Variants in ULK2 observed in about 807,000 individuals in gnomAD.
ULK2 encodes the protein serine/threonine-protein kinase ULK2.
ULK2 carries 76 observed loss-of-function variants against 127.5 expected under a neutral mutation model. The ratio of observed to expected loss-of-function variants is 0.60; its 90% CI spans 0.50 to 0.72. The LOEUF (loss-of-function observed/expected upper bound fraction) is 0.72, where lower values mean the gene tolerates loss of function less well. ULK2 is among the 30% of genes least tolerant of loss of function. The probability of loss-of-function intolerance (pLI) is 0.00; values close to 1 mark genes in which losing one functional copy is unlikely to be tolerated. For synonymous variants in ULK2, 452 were observed against 461.9 expected (o/e 0.98, Z 0.28); for missense variants, 1,144 against 1,295.9 (o/e 0.88, Z 1.80).
chr17:19,780,180 A>T (rs946554654), intron 25 of ULK2, among the ~76,000 whole-genome samples: 4 of 152,050 alleles, frequency 2.6e-5, no homozygotes, highest in Non-Finnish European at 4.4e-5. Flanking sequence ...TCAAGAAAAA[A>T]AAAAAAAGAA....
chr17:19,826,970 A>G (rs1210946298), intron 10 of ULK2, among the ~76,000 whole-genome samples: 2 of 151,906 alleles, frequency 1.3e-5, no homozygotes, highest in African/African-American at 4.8e-5. Context: ...AAAAAAAAAA[A>G]AGAAACTACA....
intron 23 of ULK2, 49 bp downstream of exon 23, chr17:19,781,840 T>A: frequency 6.3e-7 from 1 of 1,587,890 alleles, no homozygotes; most frequent in South Asian, 1.1e-5. Flanking sequence ...AGACACAAGT[T>A]TAGACAAAGC....
chr17:19,848,269 T>C (rs1372908180), intron 5 of ULK2: 4 of 152,244 alleles, frequency 2.6e-5, no homozygotes, highest in Non-Finnish European at 5.9e-5. Flanking sequence ...ACTGAGGATT[T>C]AGTATCCATG....
At chr17:19,849,347 A>G in intron 5 of ULK2, 22 bp downstream of exon 5, 2 of 1,604,164 alleles carry the variant, frequency 1.2e-6, no homozygotes, top group Non-Finnish European at 1.7e-6. Context: ...TTTACTGAAC[A>G]CTGACACACA....
rs2086750242 is a variant in ULK2 at position 19,772,559 on chromosome 17, CCTT to C, written c.*3787_*3789del. On this transcript the variant is annotated 3_prime_UTR_variant, in exon 27 of 27. Coordinates refer to ENST00000395544, the MANE Select transcript of ULK2 (RefSeq NM_014683.4). ...TAGCTACTGCCTGCCAAATAATCCT[CCTT>C]GAGAAATACTGATCAATCTTGCTTT... 6.6e-6 allele frequency: 1 copy of C among 152,194 alleles called. No homozygotes were observed. Among genetic ancestry groups the C allele is most frequent in the South Asian group, 2.1e-4 (1 of 4,826 alleles). The allele number at this position is 152,194 out of a possible 1,614,324, so 9.4% of individuals were successfully genotyped here.
intron 22 of ULK2, among the ~76,000 whole-genome samples, chr17:19,782,892 G>C (rs943454121): frequency 2.0e-5 from 3 of 151,274 alleles, no homozygotes; most frequent in Non-Finnish European, 2.9e-5. Flanking sequence ...TTCCAACCTG[G>C]GTGACAGAGC....
In ULK2 at chr17:19,776,364, G is replaced by A; in HGVS notation, c.3096C>T (p.Ser1032=). The change falls in exon 27 of 27, where the codon AGC becomes AGT. Residue 1032 remains serine (S), a synonymous_variant. Transcript: ENST00000395544. ...IERRLSALCH[S]TATV is the part of the protein sequence containing the mutation. ...AGCCTGCTGCTCACACGGTTGCGGTGCTATGGCAGAGCGCCGACAGTCTTC... is the reference window on the plus strand; with the variant it reads ...AGCCTGCTGCTCACACGGTTGCGGTACTATGGCAGAGCGCCGACAGTCTTC... The A allele has an allele frequency of 6.2e-7, 1 of 1,606,012 alleles. No homozygotes were observed.
intron 7 of ULK2, among the ~76,000 whole-genome samples, chr17:19,843,496 G>A (rs1264085161): frequency 6.6e-6 from 1 of 151,988 alleles, no homozygotes; most frequent in African/African-American, 2.4e-5. Flanking sequence ...ATAAAGTACA[G>A]TAAGAGGGCC....
chr17:19,818,797 CTTTTTTTT>C (rs71157835), intron 12 of ULK2, among the ~76,000 whole-genome samples: 11 of 77,766 alleles, frequency 1.4e-4, no homozygotes, highest in African/African-American at 2.8e-4. Flanking sequence ...TTTCTTTTTT[CTTTTTTTT>C]TTTTTTTTTT....
chr17:19,826,148 C>T lies in ULK2; in HGVS notation c.826G>A (p.Val276Ile). The T allele has an allele frequency of 6.9e-7, 1 of 1,459,558 alleles. No homozygotes were observed. The highest frequency in any genetic ancestry group is 9.1e-7 in the Non-Finnish European group (1 of 1,094,798). The allele number at this position is 1,459,558 out of a possible 1,614,324, so 90.4% of individuals were successfully genotyped here. A position where few individuals can be genotyped will look rare whatever the true frequency, so the allele number is the denominator to read the frequency against. ...AAAAATGGATACTCACATTTTTTTA[C>T]TGGACCTTGCTCAAGAAAAGGATGG... ...FSHPFLEQGP[V>I]KKSCPVPVPM... Residue 276 changes from valine to isoleucine, a missense_variant, in exon 11 of 27, where the codon GTA (valine) becomes ATA (isoleucine). Val to Ile is a conservative substitution (Grantham distance 29). Transcript: ENST00000395544.
chr17:19,823,253 C>T (rs963865887), intron 12 of ULK2, among the ~76,000 whole-genome samples: 3 of 149,340 alleles, frequency 2.0e-5, no homozygotes, highest in African/African-American at 4.9e-5. Flanking sequence ...GAGTTTTTAA[C>T]ATCTAAAAAA....
chr17:19,810,052 A>AAC (rs2152388378), intron 14 of ULK2, among the ~76,000 whole-genome samples: 1 of 152,222 alleles, frequency 6.6e-6, no homozygotes, highest in African/African-American at 2.4e-5. Context: ...TAACCCAGTG[A>AAC]AACCTTGTCT....
intron 20 of ULK2, among the ~76,000 whole-genome samples, chr17:19,788,910 C>G (rs2087092339): frequency 6.6e-6 from 1 of 152,162 alleles, no homozygotes; most frequent in African/African-American, 2.4e-5. Flanking sequence ...TGAGTGGCAG[C>G]TTAGCTGCAG....
At chr17:19,803,099 A>G (rs2152386851) in intron 15 of ULK2, among the ~76,000 whole-genome samples, 1 of 152,348 alleles carries the variant, frequency 6.6e-6, no homozygotes, top group African/African-American at 2.4e-5. Flanking sequence ...CAAAGTGGAA[A>G]GACTTACCAT....
chr17:19,783,061 G>A (rs1025069454), intron 22 of ULK2, among the ~76,000 whole-genome samples: 51 of 152,316 alleles, frequency 3.3e-4, no homozygotes, highest in African/African-American at 1.2e-3. Flanking sequence ...AAATAAAGAT[G>A]AGAATCATTT....
Position 19,841,527 on chromosome 17 carries a change from T to G in ULK2, c.666A>C (p.Leu222Phe), listed in dbSNP as rs367747757. ...PPFQANSPQD[L>F]RMFYEKNRSL... ...TCCTGTTTTTTTCATAAAACATCCT[T>G]AAGTCTTGAGGACTATTGGCCTATT... Residue 222 changes from leucine to phenylalanine, a missense_variant, in exon 9 of 27, where the codon TTA becomes TTC. By Grantham distance (22) the Leu-to-Phe change is conservative. Transcript: ENST00000395544. 6.3e-7 allele frequency: 1 copy of G among 1,592,248 alleles called. No homozygotes were observed. The highest frequency in any genetic ancestry group is 8.5e-7 in the Non-Finnish European group (1 of 1,174,298).
rs755417792 is a variant in ULK2, at chr17:19,867,345, G to A, written c.73C>T (p.Arg25Trp). 3 of 1,600,516 alleles carry A rather than the reference G, an allele frequency of 1.9e-6. No homozygotes were observed. Among genetic ancestry groups the A allele is most frequent in the Admixed American group, 1.7e-5 (1 of 59,146 alleles). Residue 25 changes from arginine to tryptophan, a missense_variant, in exon 1 of 27, where the codon CGG becomes TGG. Physicochemically the swap from Arg to Trp is moderately radical, Grantham distance 101. This residue lies in a region of ULK2 where 231 missense variants were observed against 325.4 expected (regional missense o/e 0.71). Coordinates refer to ENST00000395544, the MANE Select transcript of ULK2 (RefSeq NM_014683.4). Reference protein sequence around the residue: ...VGHGAFAVVFRGRHRQKTDWE... With the variant: ...VGHGAFAVVFWGRHRQKTDWE... ...GCGCTCACCTGGCGGTGCCGCCCCC[G>A]GAAGACCACGGCGAAGGCCCCGTGT...
intron 15 of ULK2, among the ~76,000 whole-genome samples, chr17:19,803,773 G>GT (rs1381895305): frequency 3.9e-5 from 6 of 152,076 alleles, no homozygotes; most frequent in African/African-American, 1.4e-4. Context: ...CTTTGGTATC[G>GT]TAACAGTTAA....
chr17:19,789,802 GAAGA>G (rs1597717689), intron 20 of ULK2, among the ~76,000 whole-genome samples: 1 of 147,868 alleles, frequency 6.8e-6, no homozygotes, highest in Non-Finnish European at 1.5e-5. Context: ...TGATCAAGCA[GAAGA>G]AAGAATTAGT....
Sources: allele counts gnomAD v4.1 joint callset (sites outside exome capture counted in the v4.1 genomes callset), GRCh38; gene constraint gnomAD v4.1.1; regional missense constraint gnomAD v4.1.1; transcripts MANE v1.5; gene names NCBI Gene and HGNC (gene_info 2026-07-23, HGNC 2026-07-21).